The following DORIP1 variants were observed in gnomAD, a reference collection of about 807,000 sequenced individuals.
The protein encoded by DORIP1 is dopamine receptor-interacting protein 1.
chr14:44,903,759 A>G, the DORIP1 span: 155 of 968,176 alleles, frequency 1.6e-4, 2 homozygotes, highest in African/African-American at 2.6e-3. Context: ...GATTAATTAC[A>G]AAAGGAAAGG....
the DORIP1 span, among the ~76,000 whole-genome samples, chr14:44,897,789 G>A: frequency 1.2e-4 from 19 of 152,194 alleles, no homozygotes; most frequent in Non-Finnish European, 2.8e-4. Flanking sequence ...CAGGGTGGGC[G>A]TGGCCGGAAC....
the DORIP1 span, chr14:44,903,058 C>G: frequency 3.7e-6 from 2 of 546,592 alleles, no homozygotes; most frequent in Non-Finnish European, 6.6e-6. Flanking sequence ...GGTTTCTATA[C>G]TATCTGCAAG....
chr14:44,904,716 A>G, the DORIP1 span: 4 of 579,586 alleles, frequency 6.9e-6, no homozygotes, highest in Non-Finnish European at 8.1e-6. Flanking sequence ...CATAGTGGGT[A>G]GGTGTGTGGA....
At chr14:44,897,371 G>T in the DORIP1 span, 1 of 159,484 alleles carries the variant, frequency 6.3e-6, no homozygotes, top group Non-Finnish European at 1.4e-5. Flanking sequence ...CGCTGGAGCT[G>T]CTGTGGCTCC....
chr14:44,904,323 A>C, the DORIP1 span: 2 of 1,526,732 alleles, frequency 1.3e-6, no homozygotes, highest in Admixed American at 2.2e-5. Context: ...AAAGTCATAA[A>C]GACAACTCTG....
At chr14:44,900,077 G>A in the DORIP1 span, among the ~76,000 whole-genome samples, 8 of 151,956 alleles carry the variant, frequency 5.3e-5, no homozygotes, top group Non-Finnish European at 1.0e-4. Context: ...GTGATCGCCC[G>A]CCTCAGCCTC....
At chr14:44,900,487 C>A in the DORIP1 span, 1 of 1,569,310 alleles carries the variant, frequency 6.4e-7, no homozygotes, top group Non-Finnish European at 8.6e-7. Flanking sequence ...TAACTATAAC[C>A]AAGATCGATC....
the DORIP1 span, chr14:44,906,629 G>A: frequency 2.0e-5 from 3 of 152,302 alleles, no homozygotes; most frequent in Admixed American, 1.3e-4. Flanking sequence ...GCAACTTAAG[G>A]GAAAAAATAT....
the DORIP1 span, chr14:44,900,613 G>T: frequency 6.2e-7 from 1 of 1,610,072 alleles, no homozygotes; most frequent in Non-Finnish European, 8.5e-7. Flanking sequence ...CTGCACCATA[G>T]ATGGATTCTT....
At chr14:44,900,619 T>G in the DORIP1 span, 2 of 1,609,746 alleles carry the variant, frequency 1.2e-6, no homozygotes, top group African/African-American at 2.7e-5. Flanking sequence ...CATAGATGGA[T>G]TCTTGATGTT....
chr14:44,905,559 T>G, the DORIP1 span: 1 of 1,479,940 alleles, frequency 6.8e-7, no homozygotes, highest in Non-Finnish European at 9.1e-7. Context: ...AAATATAGAT[T>G]GATGCTAAAA....
chr14:44,899,757 G>A, the DORIP1 span, among the ~76,000 whole-genome samples: 2 of 151,410 alleles, frequency 1.3e-5, no homozygotes, highest in Non-Finnish European at 2.9e-5. Context: ...GGAAAGATGA[G>A]GAGGTTTACA....
At chr14:44,902,569 C>T in the DORIP1 span, among the ~76,000 whole-genome samples, 1 of 152,126 alleles carries the variant, frequency 6.6e-6, no homozygotes, top group Non-Finnish European at 1.5e-5. Flanking sequence ...ATTCACCCAC[C>T]TCAGCTTCCC....
At chr14:44,900,407 T>C in the DORIP1 span, 1 of 1,407,152 alleles carries the variant, frequency 7.1e-7, no homozygotes, top group Non-Finnish European at 9.4e-7. Context: ...CAATTTTATG[T>C]GTTCTGTTTT....
the DORIP1 span, chr14:44,899,347 T>G: frequency 6.6e-6 from 1 of 152,252 alleles, no homozygotes; most frequent in Non-Finnish European, 1.5e-5. Flanking sequence ...TCAGGATATT[T>G]ATCAAGTTCT....
At chr14:44,899,603 CAAATA>C in the DORIP1 span, among the ~76,000 whole-genome samples, 4 of 151,304 alleles carry the variant, frequency 2.6e-5, no homozygotes, top group Non-Finnish European at 5.9e-5. Context: ...TTCTCTACAA[CAAATA>C]AAATATGTAG....
the DORIP1 span, chr14:44,904,411 G>T: frequency 7.4e-6 from 12 of 1,610,770 alleles, no homozygotes; most frequent in Non-Finnish European, 1.0e-5. Flanking sequence ...TGGCTTAAGA[G>T]AATTTTCCCA....
At chr14:44,904,811 G>A in the DORIP1 span, 3 of 260,112 alleles carry the variant, frequency 1.2e-5, no homozygotes, top group African/African-American at 2.2e-5. Flanking sequence ...CAGTTTACAT[G>A]TCAGTTTTCT....
the DORIP1 span, among the ~76,000 whole-genome samples, chr14:44,899,824 A>AT: frequency 0.032 from 3,648 of 115,246 alleles, 248 homozygotes; most frequent in Non-Finnish European, 0.04. Context: ...TCATTTAGGA[A>AT]TTTTTTTTTT....
Sources: allele counts gnomAD v4.1 joint callset (sites outside exome capture counted in the v4.1 genomes callset), GRCh38; gene constraint gnomAD v4.1.1; transcripts MANE v1.5; gene names NCBI Gene and HGNC (gene_info 2026-07-23, HGNC 2026-07-21).